The following DGAT2 variants were observed in gnomAD, a reference collection of about 807,000 sequenced individuals.
DGAT2 encodes diacylglycerol O-acyltransferase 2.
A neutral mutation model predicts 48.4 loss-of-function variants in DGAT2; 33 were observed. The ratio of observed to expected loss-of-function variants is 0.68; its 90% CI spans 0.52 to 0.91. DGAT2 has a LOEUF of 0.91. Ranked by LOEUF, DGAT2 falls within the 40% of genes least tolerant of loss-of-function variation. The pLI is 0.00. For missense variants in DGAT2, 446 were observed against 493.7 expected (o/e 0.90, Z 0.92); for synonymous variants, 191 against 194.1 (o/e 0.98, Z 0.13).
chr11:75,769,178 G>A, intron 1 of DGAT2, 66 bp downstream of exon 1: 2 of 1,499,570 alleles, frequency 1.3e-6, no homozygotes, highest in Non-Finnish European at 1.8e-6. Flanking sequence ...CCTGTGGCAG[G>A]CTGGTGGGTA....
intron 7 of DGAT2, among the ~76,000 whole-genome samples, chr11:75,799,273 C>T (rs1590878271): frequency 6.6e-6 from 1 of 152,236 alleles, no homozygotes; most frequent in African/African-American, 2.4e-5. Flanking sequence ...ATTTGCTCTT[C>T]ACCTTGAGAA....
chr11:75,799,799 G>T (rs150050117), intron 7 of DGAT2, among the ~76,000 whole-genome samples: 344 of 151,102 alleles, frequency 2.3e-3, no homozygotes, highest in Admixed American at 4.1e-3. Flanking sequence ...ATTTTTTTTT[G>T]GTAGAGACGA....
chr11:75,797,064 C>G (rs1945063987), intron 5 of DGAT2, 94 bp from the exon 6 acceptor site: 2 of 1,299,856 alleles, frequency 1.5e-6, no homozygotes, highest in Non-Finnish European at 2.0e-6. Flanking sequence ...GGGCCCAGGT[C>G]CAGGGTTCTT....
chr11:75,796,848 A>C, intron 5 of DGAT2: 1 of 459,106 alleles, frequency 2.2e-6, no homozygotes, highest in Non-Finnish European at 3.9e-6. Context: ...CCTGCCTGAG[A>C]CCTCCCACCA....
intron 2 of DGAT2, 21 bp from the exon 3 acceptor site, chr11:75,790,167 C>G: frequency 6.3e-7 from 1 of 1,575,726 alleles, no homozygotes; most frequent in Non-Finnish European, 8.7e-7. Context: ...AGGACCTGAC[C>G]TGTGGCCATC....
At chr11:75,799,611 A>T (rs79652063) in intron 7 of DGAT2, among the ~76,000 whole-genome samples, 1,496 of 143,170 alleles carry the variant, frequency 0.01, 24 homozygotes, top group African/African-American at 0.036. Flanking sequence ...CACACTTTTT[A>T]TTTTTTTTTT....
At chr11:75,796,588 T>TC in intron 5 of DGAT2, 56 bp downstream of exon 5, 2 of 1,557,744 alleles carry the variant, frequency 1.3e-6, no homozygotes, top group South Asian at 2.4e-5. Context: ...CCTGAGCCTC[T>TC]CCATCGGGCA....
intron 1 of DGAT2, 88 bp downstream of exon 1, chr11:75,769,200 A>G (rs969513185): frequency 1.9e-5 from 27 of 1,419,976 alleles, no homozygotes; most frequent in Middle Eastern, 1.9e-4. Flanking sequence ...TGATGAGTCC[A>G]CGTTCATTCT....
rs185617843 is a variant in DGAT2, at chr11:75,774,715, T to G, written c.121+5603T>G. ...TTGTGAAAATGGTGCACTCATCCACTTGGGGCCAAGGTAAGTGCCCCAGAA... is the reference window on the plus strand; with the variant it reads ...TTGTGAAAATGGTGCACTCATCCACGTGGGGCCAAGGTAAGTGCCCCAGAA... On this transcript the variant is annotated intron_variant, in intron 1 of 7. Coordinates refer to ENST00000228027, the MANE Select transcript of DGAT2 (RefSeq NM_032564.5). 1.3e-3 allele frequency among the ~76,000 whole-genome samples: 200 copies of G among 152,322 alleles called. 1 individual carries two copies. The highest frequency in any genetic ancestry group is 4.5e-3 in the African/African-American group (189 of 41,578).
chr11:75,779,130 C>G (rs1172825347), intron 1 of DGAT2, among the ~76,000 whole-genome samples: 1 of 152,144 alleles, frequency 6.6e-6, no homozygotes, highest in Non-Finnish European at 1.5e-5. Context: ...AAGAGGTGCT[C>G]ACAGACACCC....
chr11:75,780,291 A>G (rs531215233), intron 1 of DGAT2, among the ~76,000 whole-genome samples: 2 of 152,342 alleles, frequency 1.3e-5, no homozygotes, highest in African/African-American at 4.8e-5. Flanking sequence ...ACTGACAGCC[A>G]GGTGGCAAGG....
rs200287953 is a variant in DGAT2, at chr11:75,787,218, AT to A, written c.250+2473del. Among the ~76,000 whole-genome samples the A allele has an allele frequency of 9.2e-3, 1,396 of 152,360 alleles. 23 individuals carry two copies. The highest frequency in any genetic ancestry group is 0.032 in the African/African-American group (1,346 of 41,582). The stretch of plus-strand genomic sequence containing the variant: ...CCATAAGAGATAAGTGAAAATTTAG[AT>A]GTCATTTGTTTCCCCATCCAAGTCC... On this transcript the variant is annotated intron_variant, in intron 2 of 7. Coordinates refer to ENST00000228027, the MANE Select transcript of DGAT2 (RefSeq NM_032564.5).
At chr11:75,773,168 AAGCCCT>A (rs1387770787) in intron 1 of DGAT2, among the ~76,000 whole-genome samples, 1 of 152,162 alleles carries the variant, frequency 6.6e-6, no homozygotes, top group Non-Finnish European at 1.5e-5. Flanking sequence ...CTCTTGGAGG[AAGCCCT>A]GCTTTTAGCT....
intron 7 of DGAT2, among the ~76,000 whole-genome samples, chr11:75,798,976 C>T (rs971886470): frequency 1.3e-5 from 2 of 152,146 alleles, no homozygotes; most frequent in Non-Finnish European, 2.9e-5. Flanking sequence ...ACTGGTTGCA[C>T]TTGGCCCTCG....
intron 4 of DGAT2, chr11:75,794,396 A>C (rs1255785787): frequency 6.6e-6 from 1 of 152,166 alleles, no homozygotes; most frequent in Admixed American, 6.5e-5. Context: ...ACTTTGCAGC[A>C]CTCAGGTGGG....
chr11:75,784,402 T>TA, intron 1 of DGAT2: 1 of 504,970 alleles, frequency 2.0e-6, no homozygotes, highest in Non-Finnish European at 3.5e-6. Flanking sequence ...TCCCATTGTG[T>TA]ATCTATAGAA....
chr11:75,790,372 CCTGAGTG>C, intron 3 of DGAT2, 77 bp downstream of exon 3: 1 of 1,250,678 alleles, frequency 8.0e-7, no homozygotes, highest in Non-Finnish European at 1.2e-6. Flanking sequence ...AGGGCCTCAT[CCTGAGTG>C]CTGTTTCTTT....
chr11:75,799,311 G>A (rs1945087763), intron 7 of DGAT2, among the ~76,000 whole-genome samples: 1 of 152,176 alleles, frequency 6.6e-6, no homozygotes, highest in Admixed American at 6.5e-5. Flanking sequence ...GTGTTTGGGA[G>A]GGGAAGTTCA....
chr11:75,792,084 C>G (rs1021897953), intron 4 of DGAT2: 1 of 152,278 alleles, frequency 6.6e-6, no homozygotes, highest in Non-Finnish European at 1.5e-5. Context: ...CTCTGGAAGT[C>G]TCCAGGAGGC....
Sources: gnomAD v4.1 joint callset for allele counts (sites outside exome capture counted in the v4.1 genomes callset) on GRCh38, gnomAD v4.1.1 for gene constraint, MANE v1.5 for transcripts, NCBI Gene and HGNC (gene_info 2026-07-23, HGNC 2026-07-21) for gene names.